Variants in NSUN6 observed in about 807,000 individuals in gnomAD.
NSUN6 encodes NOP2/Sun RNA methyltransferase 6.
Under a neutral mutation model 58.0 loss-of-function variants are expected in NSUN6, and 64 were observed. That is an observed-to-expected ratio of 1.10 (90% confidence interval 0.90 to 1.36). The LOEUF is 1.36. Ranked by LOEUF, NSUN6 falls within the 40% of genes most tolerant of loss-of-function variation. NSUN6 has a pLI of 0.00. For missense variants in NSUN6, 701 were observed against 550.1 expected, an observed-to-expected ratio of 1.27 and a Z score of -2.74; for synonymous variants, 231 against 193.9, an observed-to-expected ratio of 1.19 and a Z score of -1.59.
upstream of NSUN6, among the ~76,000 whole-genome samples, chr10:18,654,031 T>G (rs549176834): frequency 1.3e-5 from 2 of 152,266 alleles, no homozygotes; most frequent in African/African-American, 2.4e-5. Flanking sequence ...ATGGGAGAAT[T>G]AGCAGGAAAA....
At chr10:18,551,357 C>A (rs911648764) in intron 9 of NSUN6, among the ~76,000 whole-genome samples, 4 of 149,884 alleles carry the variant, frequency 2.7e-5, no homozygotes, top group African/African-American at 9.8e-5. Context: ...ACATTCAGTA[C>A]AGTCACATTG....
intron 6 of NSUN6, among the ~76,000 whole-genome samples, chr10:18,608,830 C>T (rs1050463960): frequency 1.3e-5 from 2 of 152,114 alleles, no homozygotes; most frequent in Admixed American, 1.3e-4. Context: ...CACAAAAAAA[C>T]TCCACTGAAA....
chr10:18,593,886 A>C (rs2057475269), intron 7 of NSUN6, among the ~76,000 whole-genome samples: 1 of 151,878 alleles, frequency 6.6e-6, no homozygotes, highest in Non-Finnish European at 1.5e-5. Context: ...AAAAAAAAAA[A>C]AAAAGGGCCA....
chr10:18,602,239 G>A (rs12773254), intron 6 of NSUN6, among the ~76,000 whole-genome samples: 2 of 149,154 alleles, frequency 1.3e-5, no homozygotes, highest in Non-Finnish European at 3.0e-5. Context: ...ATTTTTGTGG[G>A]GTTTTTTTTT....
intron 8 of NSUN6, among the ~76,000 whole-genome samples, chr10:18,559,997 A>G (rs1338056635): frequency 1.3e-5 from 2 of 150,586 alleles, no homozygotes; most frequent in Non-Finnish European, 3.0e-5. Flanking sequence ...TGGAATAGAG[A>G]ATGGAATGCA....
intron 7 of NSUN6, among the ~76,000 whole-genome samples, chr10:18,594,433 T>TC (rs1169366083): frequency 6.6e-6 from 1 of 151,422 alleles, no homozygotes; most frequent in Non-Finnish European, 1.5e-5. Context: ...CACTTTCTGT[T>TC]TTTTTTTGTT....
intron 7 of NSUN6, among the ~76,000 whole-genome samples, chr10:18,589,343 C>T (rs1564767270): frequency 6.6e-6 from 1 of 152,182 alleles, no homozygotes; most frequent in African/African-American, 2.4e-5. Context: ...GGAAAACACA[C>T]TTTAGGATAT....
intron 8 of NSUN6, among the ~76,000 whole-genome samples, chr10:18,568,890 T>C (rs1215855364): frequency 6.6e-6 from 1 of 150,688 alleles, no homozygotes; most frequent in East Asian, 2.0e-4. Context: ...TTCTGTTCCA[T>C]TCCAATCCAT....
chr10:18,548,109 T>C lies in NSUN6; in HGVS notation c.1197+3A>G, dbSNP rs926528413. 22 of 1,613,436 alleles carry C rather than the reference T, an allele frequency of 1.4e-5. No individual in the cohort carries two copies. Among genetic ancestry groups the C allele is most frequent in the Non-Finnish European group, 1.8e-5 (21 of 1,179,704 alleles). On this transcript the variant is annotated splice_donor_region_variant and intron_variant, in intron 10 of 10. Coordinates refer to ENST00000377304, the MANE Select transcript of NSUN6 (RefSeq NM_182543.5). ...ACACAGAGAAAAATGAAATTACTCC[T>C]ACCTGGGGCTGAAGCTGAAGGCAAG...
At chr10:18,595,369 C>A (rs1165275565) in intron 7 of NSUN6, among the ~76,000 whole-genome samples, 1 of 152,178 alleles carries the variant, frequency 6.6e-6, no homozygotes, top group Non-Finnish European at 1.5e-5. Flanking sequence ...TGAATAATTA[C>A]CTTTAAGCAA....
chr10:18,607,388 T>G (rs973543946), intron 6 of NSUN6, among the ~76,000 whole-genome samples: 1 of 152,218 alleles, frequency 6.6e-6, no homozygotes, highest in Non-Finnish European at 1.5e-5. Flanking sequence ...CTTTCAAAAT[T>G]TTCCTTAGAG....
At chr10:18,555,312 G>C (rs551521055) in intron 8 of NSUN6, among the ~76,000 whole-genome samples, 89 of 150,568 alleles carry the variant, frequency 5.9e-4, no homozygotes, top group African/African-American at 2.1e-3. Context: ...GAATGGAATA[G>C]AGTGGAATGG....
In NSUN6 at chr10:18,569,247, C is replaced by T. The variant is rs556394128; in HGVS notation, c.922+16702G>A. Among the ~76,000 whole-genome samples, 7 of 150,260 alleles carry T rather than the reference C, an allele frequency of 4.7e-5. No homozygotes were observed. In the South Asian group the frequency reaches 6.3e-4, roughly 14 times the overall value. On this transcript the variant is annotated intron_variant, in intron 8 of 10. Transcript: ENST00000377304. ...TTTCATTCCACTCTCCGTTCCATTC[C>T]ATTCTCCTCCATTTCCAAGTCCATT...
intron 6 of NSUN6, among the ~76,000 whole-genome samples, chr10:18,607,047 A>G (rs2058072731): frequency 6.6e-6 from 1 of 152,250 alleles, no homozygotes; most frequent in Non-Finnish European, 1.5e-5. Flanking sequence ...TGACAAAAGC[A>G]AAAATAATTT....
chr10:18,547,831 G>A (rs762776747), intron 10 of NSUN6, among the ~76,000 whole-genome samples: 25 of 151,984 alleles, frequency 1.6e-4, no homozygotes, highest in Non-Finnish European at 3.1e-4. Flanking sequence ...AAAAGGTGCC[G>A]AGTAACATGA....
chr10:18,548,619 T>A (rs1020873463), intron 9 of NSUN6, among the ~76,000 whole-genome samples: 45 of 152,302 alleles, frequency 3.0e-4, no homozygotes, highest in African/African-American at 1.0e-3. Context: ...CTTATTTTTT[T>A]AAATAGAGAT....
chr10:18,630,370 C>T (rs2058984132), intron 3 of NSUN6, among the ~76,000 whole-genome samples: 1 of 151,034 alleles, frequency 6.6e-6, no homozygotes, highest in Admixed American at 6.6e-5. Context: ...CAAACACATT[C>T]AAAAGCTAGC....
intron 5 of NSUN6, among the ~76,000 whole-genome samples, chr10:18,612,189 G>A (rs967230048): frequency 3.3e-5 from 5 of 152,102 alleles, no homozygotes; most frequent in Admixed American, 3.3e-4. Context: ...GGAGGCCAAG[G>A]TGGAGAACTG....
intron 3 of NSUN6, among the ~76,000 whole-genome samples, chr10:18,620,825 C>T (rs1212365598): frequency 6.6e-6 from 1 of 152,198 alleles, no homozygotes; most frequent in South Asian, 2.1e-4. Context: ...ATGTCTCATT[C>T]ATCTTTGTAA....
Sources: gnomAD v4.1 joint callset for allele counts (sites outside exome capture counted in the v4.1 genomes callset) on GRCh38, gnomAD v4.1.1 for gene constraint, MANE v1.5 for transcripts, NCBI Gene and HGNC (gene_info 2026-07-23, HGNC 2026-07-21) for gene names.